GRID1: variants seen among roughly 807,000 people sequenced by gnomAD.
GRID1 encodes the protein glutamate ionotropic receptor delta type subunit 1.
A neutral mutation model predicts 98.0 loss-of-function variants in GRID1; 28 were observed. That is an observed-to-expected ratio of 0.29 (90% CI 0.21 to 0.39). The LOEUF is 0.39. Among genes scored for constraint, GRID1 ranks in the 10% least tolerant of loss-of-function variants. The pLI, the probability that GRID1 is intolerant of heterozygous loss-of-function variation, is 1.00. For missense variants in GRID1, 1,111 were observed against 1,340.5 expected (o/e 0.83, Z 2.67); for synonymous variants, 553 against 538.5 (o/e 1.03, Z -0.37).
intron 4 of GRID1, among the ~76,000 whole-genome samples, chr10:86,063,351 C>G (rs781441048): frequency 2.6e-4 from 39 of 152,316 alleles, no homozygotes; most frequent in Middle Eastern, 3.4e-3. Flanking sequence ...TCATGGTGAA[C>G]TGGACAATGG....
At chr10:85,726,460 T>G (rs1176046774) in intron 10 of GRID1, among the ~76,000 whole-genome samples, 1 of 152,032 alleles carries the variant, frequency 6.6e-6, no homozygotes, top group Admixed American at 6.5e-5. Flanking sequence ...TGTAGCAACC[T>G]GGATTTCAGA....
At chr10:86,073,070 T>C in intron 4 of GRID1, among the ~76,000 whole-genome samples, 1 of 152,202 alleles carries the variant, frequency 6.6e-6, no homozygotes, top group African/African-American at 2.4e-5. Flanking sequence ...ATGTTTCCAG[T>C]TTGTAAGTTG....
In GRID1 at chr10:85,613,451, A is replaced by T. The variant is rs757072308; in HGVS notation, c.2557T>A (p.Leu853Met). The change falls in exon 15 of 16, where the codon TTG (leucine) becomes ATG (methionine). Residue 853 changes from leucine (L) to methionine (M), a missense_variant. Coordinates refer to ENST00000327946, the MANE Select transcript of GRID1 (RefSeq NM_017551.3). ...LLACLVAALE[L>M]WWNSNRCHQE... ...TGGCACCGGTTGCTGTTCCACCACA[A>T]CTCCAGGGCAGCCACCAGGCAGGCC... The T allele has an allele frequency of 6.2e-7, 1 of 1,613,444 alleles. No individual in the cohort carries two copies. Among genetic ancestry groups the T allele is most frequent in the Non-Finnish European group, 8.5e-7 (1 of 1,179,888 alleles).
chr10:86,254,595 G>C (rs537651432), intron 2 of GRID1, among the ~76,000 whole-genome samples: 10 of 152,318 alleles, frequency 6.6e-5, no homozygotes, highest in Admixed American at 4.6e-4. Flanking sequence ...CATAGTGCGG[G>C]AGCCTGGAGT....
intron 8 of GRID1, among the ~76,000 whole-genome samples, chr10:85,752,399 A>C (rs912581108): frequency 6.6e-6 from 1 of 152,222 alleles, no homozygotes; most frequent in Non-Finnish European, 1.5e-5. Flanking sequence ...GCTAAGCCTC[A>C]CACCAATATA....
In GRID1 at chr10:85,998,996, T is replaced by C. The variant is rs1351784889; in HGVS notation, c.727-82757A>G. On this transcript the variant is annotated intron_variant, in intron 4 of 15. Transcript: ENST00000327946. ...GGGAGGCCAAGGCGGGTGGATCACCTGAGATCGGGAGTTCGAGACCAGTCT... is the reference window on the plus strand; with the variant it reads ...GGGAGGCCAAGGCGGGTGGATCACCCGAGATCGGGAGTTCGAGACCAGTCT... Among the ~76,000 whole-genome samples, 4 of 152,304 alleles carry C rather than the reference T, an allele frequency of 2.6e-5. No homozygotes were observed. In the East Asian group the frequency reaches 7.7e-4, roughly 29 times the overall value.
At chr10:86,023,199 C>G (rs1843073183) in intron 4 of GRID1, among the ~76,000 whole-genome samples, 1 of 152,138 alleles carries the variant, frequency 6.6e-6, no homozygotes, top group Non-Finnish European at 1.5e-5. Context: ...GACCCTGCCC[C>G]TTTCCACACT....
At chr10:85,677,967 G>A (rs1056247590) in intron 12 of GRID1, among the ~76,000 whole-genome samples, 1 of 152,148 alleles carries the variant, frequency 6.6e-6, no homozygotes, top group Non-Finnish European at 1.5e-5. Context: ...GAAAGCACCT[G>A]TGTCTACAGA....
chr10:86,363,963 G>C lies in GRID1; in HGVS notation c.213C>G (p.Asn71Lys), dbSNP rs756338284. 6.2e-7 allele frequency: 1 copy of C among 1,614,118 alleles called. No individual in the cohort carries two copies. The highest frequency in any genetic ancestry group is 8.5e-7 in the Non-Finnish European group (1 of 1,179,936). The change falls in exon 2 of 16, where the codon AAC (asparagine) becomes AAG (lysine). Residue 71 changes from asparagine to lysine, a missense_variant. Physicochemically the swap from Asn to Lys is moderately conservative, Grantham distance 94 (BLOSUM62 0). This residue lies in a region of GRID1 where 346 missense variants were observed against 452.3 expected (regional missense o/e 0.76). Transcript: ENST00000327946. ...TYSIKVIEAN[N>K]PFQAVQEACD... ...CACCTTCCTGCACAGCCTGGAATGG[G>C]TTGTTGGCCTCGATGACCTTGATGG...
intron 5 of GRID1, among the ~76,000 whole-genome samples, chr10:85,911,938 AC>A (rs1841545004): frequency 6.6e-6 from 1 of 152,214 alleles, no homozygotes; most frequent in African/African-American, 2.4e-5. Flanking sequence ...GAACTTGGCA[AC>A]ATCTAATGAA....
intron 2 of GRID1, among the ~76,000 whole-genome samples, chr10:86,327,933 A>G (rs7895568): frequency 0.065 from 9,839 of 152,300 alleles, 607 homozygotes; most frequent in African/African-American, 0.16. Context: ...ACCTAGATAC[A>G]TAGGCATATA....
At chr10:85,640,773 T>C (rs1590170809) in intron 13 of GRID1, among the ~76,000 whole-genome samples, 2 of 152,216 alleles carry the variant, frequency 1.3e-5, no homozygotes, top group East Asian at 3.8e-4. Flanking sequence ...CGAATAAATG[T>C]TGGTGCTAAG....
chr10:86,282,004 T>A (rs1847363814), intron 2 of GRID1, among the ~76,000 whole-genome samples: 1 of 152,184 alleles, frequency 6.6e-6, no homozygotes, highest in Admixed American at 6.5e-5. Context: ...GTGGTTAGGT[T>A]CAGACAGACA....
At chr10:85,905,334 G>A (rs571551157) in intron 5 of GRID1, among the ~76,000 whole-genome samples, 2 of 151,674 alleles carry the variant, frequency 1.3e-5, no homozygotes, top group South Asian at 2.1e-4. Flanking sequence ...ATACAAAAGC[G>A]GCAAGCATTC....
chr10:85,796,907 T>C (rs1842530587), intron 8 of GRID1, among the ~76,000 whole-genome samples: 1 of 152,224 alleles, frequency 6.6e-6, no homozygotes, highest in African/African-American at 2.4e-5. Flanking sequence ...GAAGGCTTCA[T>C]TGGTTTTGTC....
chr10:85,626,022 C>G (rs76598478), intron 13 of GRID1, among the ~76,000 whole-genome samples: 3 of 152,290 alleles, frequency 2.0e-5, no homozygotes, highest in East Asian at 3.9e-4. Context: ...ACTGCTCCCC[C>G]CAAATGAGAA....
intron 11 of GRID1, among the ~76,000 whole-genome samples, chr10:85,723,405 C>T (rs1228437148): frequency 2.0e-5 from 3 of 152,122 alleles, no homozygotes; most frequent in African/African-American, 7.2e-5. Context: ...TGTCAAAACA[C>T]CAAGGGTTGG....
intron 12 of GRID1, among the ~76,000 whole-genome samples, chr10:85,653,255 A>G (rs1216709971): frequency 3.3e-5 from 5 of 152,224 alleles, no homozygotes; most frequent in African/African-American, 1.2e-4. Flanking sequence ...AAATGCTATG[A>G]AGATTAATAA....
At chr10:85,709,315 T>G (rs931974100) in intron 12 of GRID1, 2 of 156,430 alleles carry the variant, frequency 1.3e-5, no homozygotes, top group African/African-American at 4.8e-5. Flanking sequence ...TTTCTTATCT[T>G]AAAAAATAAT....
Sources: allele counts gnomAD v4.1 joint callset (sites outside exome capture counted in the v4.1 genomes callset), GRCh38; gene constraint gnomAD v4.1.1; regional missense constraint gnomAD v4.1.1; transcripts MANE v1.5; gene names NCBI Gene and HGNC (gene_info 2026-07-23, HGNC 2026-07-21).